Variants in TACC2 observed in about 807,000 individuals in gnomAD.
TACC2 encodes transforming acidic coiled-coil containing protein 2.
In TACC2, 137 loss-of-function variants were observed where a neutral mutation model predicts 227.3. That is an observed-to-expected ratio of 0.60 (90% CI 0.52 to 0.69). The LOEUF is 0.69. Ranked by LOEUF, TACC2 falls within the 30% of genes least tolerant of loss-of-function variation. TACC2 has a pLI of 0.00. For synonymous variants in TACC2, 1,523 were observed against 1,487.5 expected, an observed-to-expected ratio of 1.02 and a Z score of -0.55; for missense variants, 3,470 against 3,694.4, an observed-to-expected ratio of 0.94 and a Z score of 1.57.
At chr10:122,147,186 C>T (rs553652778) in intron 7 of TACC2, among the ~76,000 whole-genome samples, 1 of 151,990 alleles carries the variant, frequency 6.6e-6, no homozygotes, top group Admixed American at 6.6e-5. Context: ...ACTCTGTCAC[C>T]CAGGCTGGAG....
rs754824553 is a variant in TACC2 at position 122,084,436 on chromosome 10, G to A, written c.1936G>A (p.Gly646Arg). 24 of 1,612,672 alleles carry A rather than the reference G, an allele frequency of 1.5e-5. No homozygotes were observed. The highest frequency in any genetic ancestry group is 4.0e-5 in the African/African-American group (3 of 74,910). ...AAAGGGGGGTGCTGGGCACACGGAC[G>A]GGCCCCACTCTCAGACAGCAGAGGC... The part of the protein sequence containing the change: ...PRKGGAGHTD[G>R]PHSQTAEADA... Residue 646 changes from glycine (G) to arginine (R), a missense_variant, in exon 4 of 23, where the codon GGG (glycine) becomes AGG (arginine). Gly to Arg is a moderately radical substitution (Grantham distance 125, BLOSUM62 -2). Transcript: ENST00000369005.
At chr10:122,155,833 A>ATTTTTTTTTTTT (rs66559186) in intron 7 of TACC2, among the ~76,000 whole-genome samples, 1 of 118,304 alleles carries the variant, frequency 8.5e-6, no homozygotes, top group Admixed American at 9.8e-5. Flanking sequence ...TAGTGGGAAA[A>ATTTTTTTTTTTT]TTTTTTTTTT....
chr10:122,002,715 C>A (rs1954554340), intron 1 of TACC2, among the ~76,000 whole-genome samples: 1 of 152,096 alleles, frequency 6.6e-6, no homozygotes, highest in Non-Finnish European at 1.5e-5. Flanking sequence ...TCTGGCAATC[C>A]TCATTTCACT....
Position 122,021,926 on chromosome 10 carries a change from G to T in TACC2, c.-45-11G>T, listed in dbSNP as rs1055759401. 8.9e-6 allele frequency: 14 copies of T among 1,565,850 alleles called. No individual in the cohort carries two copies. Among genetic ancestry groups the T allele is most frequent in the Non-Finnish European group, 1.2e-5 (14 of 1,136,250 alleles). ...ATTTCACAGACGTTTATACCCTTTTGTTTCTTCCAGTCACCTCTGACAAAA... is the reference window on the plus strand; with the variant it reads ...ATTTCACAGACGTTTATACCCTTTTTTTTCTTCCAGTCACCTCTGACAAAA... On this transcript the variant is annotated splice_polypyrimidine_tract_variant and intron_variant, in intron 1 of 22. Transcript: ENST00000369005.
At chr10:122,192,489 A>G in intron 7 of TACC2, 1 of 352,348 alleles carries the variant, frequency 2.8e-6, no homozygotes. Context: ...ACGAGTACTC[A>G]GGCTTTCCTC....
intron 3 of TACC2, among the ~76,000 whole-genome samples, chr10:122,065,748 C>T (rs1444379857): frequency 1.3e-5 from 2 of 152,160 alleles, no homozygotes; most frequent in African/African-American, 4.8e-5. Flanking sequence ...TTACTCCTTT[C>T]AGTTCTAGCA....
At chr10:122,048,978 T>C (rs4751865) in intron 2 of TACC2, among the ~76,000 whole-genome samples, 120,757 of 152,226 alleles carry the variant, frequency 0.79, 48,514 homozygotes, top group East Asian at 0.95. Flanking sequence ...AACTCAGAAT[T>C]TTTACTATGC....
In TACC2 at chr10:122,085,771, C is replaced by G. The variant is rs1438054962; in HGVS notation, c.3271C>G (p.Gln1091Glu). ...TGATGAAACCCAGGAAGGCAGGCAGCAACCAGTGCCGGCCCCGCAGCAGAA... is the reference window on the plus strand; with the variant it reads ...TGATGAAACCCAGGAAGGCAGGCAGGAACCAGTGCCGGCCCCGCAGCAGAA... ...ACDETQEGRQ[Q>E]PVPAPQQKME... is the part of the protein sequence containing the mutation. The change falls in exon 4 of 23, where the codon CAA (glutamine) becomes GAA (glutamate). Residue 1091 changes from glutamine to glutamate, a missense_variant. This residue lies in a region of TACC2 where 1,924 missense variants were observed against 1,978.3 expected (regional missense o/e 0.97). Transcript: ENST00000369005. The G allele has an allele frequency of 1.2e-6, 2 of 1,613,842 alleles. No individual in the cohort carries two copies. The highest frequency in any genetic ancestry group is 1.7e-6 in the Non-Finnish European group (2 of 1,179,962).
intron 7 of TACC2, among the ~76,000 whole-genome samples, chr10:122,178,490 A>G (rs1592983577): frequency 6.6e-6 from 1 of 151,098 alleles, no homozygotes; most frequent in Admixed American, 6.6e-5. Flanking sequence ...GCCCTCCTAG[A>G]CCTCCCAAAG....
chr10:121,997,333 C>A (rs956433456), intron 1 of TACC2, among the ~76,000 whole-genome samples: 1 of 152,144 alleles, frequency 6.6e-6, no homozygotes, highest in African/African-American at 2.4e-5. Context: ...GATCTTACCC[C>A]GCCTCTCCCT....
intron 5 of TACC2, among the ~76,000 whole-genome samples, chr10:122,132,030 G>GA (rs564430394): frequency 8.9e-6 from 1 of 111,802 alleles, no homozygotes; most frequent in Non-Finnish European, 1.8e-5. Flanking sequence ...AAAAAAGAAA[G>GA]AAAAAGAAAG....
In TACC2 at chr10:122,085,741, G is replaced by A; in HGVS notation, c.3241G>A (p.Ala1081Thr). 1 of 1,613,876 alleles carries A rather than the reference G, an allele frequency of 6.2e-7. No homozygotes were observed. The part of the protein sequence containing the change: ...TPTQDAPETE[A>T]CDETQEGRQQ... ...CACCCAGGATGCCCCAGAGACAGAG[G>A]CATGTGATGAAACCCAGGAAGGCAG... Residue 1081 changes from alanine to threonine, a missense_variant, in exon 4 of 23, where the codon GCA becomes ACA. Ala to Thr is a moderately conservative substitution (Grantham distance 58, BLOSUM62 0). This residue lies in a region of TACC2 where 1,924 missense variants were observed against 1,978.3 expected (regional missense o/e 0.97). Coordinates refer to ENST00000369005, the MANE Select transcript of TACC2 (RefSeq NM_206862.4).
At position 121,997,953 on chromosome 10, in the gene TACC2, C is replaced by A. The variant is rs572141385; in HGVS notation, c.-46+8465C>A. 2.0e-5 allele frequency among the ~76,000 whole-genome samples: 3 copies of A among 152,188 alleles called. No individual in the cohort carries two copies. The South Asian group carries it at 6.2e-4, about 32-fold the overall frequency. ...CCCATCCCACCCCCAAAGGCAGGCA[C>A]GAAGACCAAGACTTCAGGTGGTGGC... On this transcript the variant is annotated intron_variant, in intron 1 of 22. Coordinates refer to ENST00000369005, the MANE Select transcript of TACC2 (RefSeq NM_206862.4).
rs1420903098 is a variant in TACC2 at position 122,021,228 on chromosome 10, C to T, written c.-45-709C>T. Among the ~76,000 whole-genome samples, 14 of 123,056 alleles carry T rather than the reference C, an allele frequency of 1.1e-4. 1 individual carries two copies. Among genetic ancestry groups the T allele is most frequent in the East Asian group, 7.6e-4 (3 of 3,944 alleles). The allele number at this position is 123,056 out of a possible 152,430, so 80.7% of individuals were successfully genotyped here. On this transcript the variant is annotated intron_variant, in intron 1 of 22. Transcript: ENST00000369005. Reference sequence around the variant, plus strand: ...TGGGCGACAGAGTGAGACTCCATCTCGAAAAAAAAAAGGCGGGGGGGAAGA... The same window carrying T: ...TGGGCGACAGAGTGAGACTCCATCTTGAAAAAAAAAAGGCGGGGGGGAAGA...
intron 5 of TACC2, among the ~76,000 whole-genome samples, chr10:122,102,062 G>A (rs945370732): frequency 5.9e-5 from 9 of 152,114 alleles, no homozygotes; most frequent in Admixed American, 2.6e-4. Context: ...AGACCTAGAC[G>A]GTATTGCCTA....
At chr10:122,004,476 C>T (rs1954821625) in intron 1 of TACC2, among the ~76,000 whole-genome samples, 1 of 151,816 alleles carries the variant, frequency 6.6e-6, no homozygotes, top group African/African-American at 2.4e-5. Context: ...TAAATAAAAT[C>T]ACTATAGTAC....
At chr10:122,068,263 A>G (rs1591640942) in intron 3 of TACC2, among the ~76,000 whole-genome samples, 2 of 152,240 alleles carry the variant, frequency 1.3e-5, no homozygotes, top group East Asian at 1.9e-4. Context: ...ATAATTCTGG[A>G]AAAAAAGTCT....
In TACC2 at chr10:122,210,688, G is replaced by A; in HGVS notation, c.6263G>A (p.Ser2088Asn). The A allele has an allele frequency of 1.2e-6, 2 of 1,614,098 alleles. No individual in the cohort carries two copies. The highest frequency in any genetic ancestry group is 4.5e-5 in the East Asian group (2 of 44,874). Residue 2088 changes from serine (S) to asparagine (N), a missense_variant, in exon 9 of 23, where the codon AGC (serine) becomes AAC (asparagine). Ser to Asn is a conservative substitution (Grantham distance 46, BLOSUM62 1). Around this residue, in one of 10 missense-constraint regions of TACC2, gnomAD observed 593 missense variants for 636.6 expected, o/e 0.93. Transcript: ENST00000369005. This position sits in a 1 kb window ranked among gnomAD's most constrained non-coding sequence, Gnocchi z 4.6. ...AAGTCTACACTGTCCCGGTCGCTCA[G>A]CCTGCAAGCCAGTGACTTTGATGGT... ...ISKSTLSRSL[S>N]LQASDFDGAS...
intron 5 of TACC2, among the ~76,000 whole-genome samples, chr10:122,093,476 G>A (rs1246578816): frequency 6.6e-6 from 1 of 152,220 alleles, no homozygotes; most frequent in African/African-American, 2.4e-5. Context: ...TTAAGGAAAA[G>A]AGAAAACAAC....
Sources: allele counts gnomAD v4.1 joint callset (sites outside exome capture counted in the v4.1 genomes callset), GRCh38; gene constraint gnomAD v4.1.1; regional missense constraint gnomAD v4.1.1; non-coding constraint Gnocchi (gnomAD v3.1); transcripts MANE v1.5; gene names NCBI Gene and HGNC (gene_info 2026-07-23, HGNC 2026-07-21).